B3GALT1: variants seen among roughly 807,000 people sequenced by gnomAD.
B3GALT1 encodes the protein UDP-Gal:betaGlcNAc beta 1,3-galactosyltransferase, polypeptide 1.
A neutral mutation model predicts 23.2 loss-of-function variants in B3GALT1; 10 were observed. The observed-to-expected ratio is 0.43, with a 90% CI of 0.27 to 0.73. B3GALT1 has a LOEUF of 0.73. B3GALT1 is among the 30% of genes least tolerant of loss of function. B3GALT1 has a pLI of 0.21. For synonymous variants in B3GALT1, 156 were observed against 141.5 expected, an observed-to-expected ratio of 1.10 and a Z score of -0.73; for missense variants, 299 against 405.4, an observed-to-expected ratio of 0.74 and a Z score of 2.25.
rs1685419643 is a variant in B3GALT1, at chr2:167,630,419, A to G, written c.-409-16490A>G. Among the ~76,000 whole-genome samples, 2 of 151,844 alleles carry G rather than the reference A, an allele frequency of 1.3e-5. 1 individual carries two copies. Among genetic ancestry groups the G allele is most frequent in the South Asian group, 4.1e-4 (2 of 4,826 alleles). On this transcript the variant is annotated intron_variant, in intron 2 of 4. Coordinates refer to ENST00000392690, the MANE Select transcript of B3GALT1 (RefSeq NM_020981.4). ...TCATCATTAATTAAATACAAGTTCT[A>G]CAGAAATCAATTGATGACAATTGTG...
intron 3 of B3GALT1, among the ~76,000 whole-genome samples, chr2:167,728,695 T>C (rs2105263310): frequency 6.6e-6 from 1 of 152,356 alleles, no homozygotes; most frequent in East Asian, 1.9e-4. Flanking sequence ...CTTAAGATTA[T>C]GTGGTATTTC....
intron 3 of B3GALT1, among the ~76,000 whole-genome samples, chr2:167,800,422 C>G (rs915218493): frequency 6.6e-6 from 1 of 152,182 alleles, no homozygotes; most frequent in Non-Finnish European, 1.5e-5. Flanking sequence ...CTACCCTCCC[C>G]ACACCCATTA....
At chr2:167,786,853 C>T (rs1193357548) in intron 3 of B3GALT1, among the ~76,000 whole-genome samples, 1 of 152,156 alleles carries the variant, frequency 6.6e-6, no homozygotes, top group Non-Finnish European at 1.5e-5. Flanking sequence ...ACACTCCATG[C>T]GTGAGTCCAT....
intron 1 of B3GALT1, among the ~76,000 whole-genome samples, chr2:167,451,502 A>G (rs1462235297): frequency 2.0e-5 from 3 of 152,108 alleles, no homozygotes; most frequent in Non-Finnish European, 4.4e-5. Flanking sequence ...GCCAGGCTCC[A>G]GGCTGGTACT....
At chr2:167,356,856 G>A (rs143643199) in intron 1 of B3GALT1, among the ~76,000 whole-genome samples, 41 of 151,932 alleles carry the variant, frequency 2.7e-4, no homozygotes, top group African/African-American at 9.4e-4. Flanking sequence ...TGAGTCAAGC[G>A]TCATTAGTGT....
chr2:167,641,899 T>G (rs1685658560), intron 2 of B3GALT1, among the ~76,000 whole-genome samples: 1 of 152,220 alleles, frequency 6.6e-6, no homozygotes, highest in East Asian at 1.9e-4. Flanking sequence ...TCCTAAGTTT[T>G]AGGCTTGCAT....
chr2:167,751,308 C>G (rs1465136524), intron 3 of B3GALT1, among the ~76,000 whole-genome samples: 1 of 151,984 alleles, frequency 6.6e-6, no homozygotes, highest in African/African-American at 2.4e-5. Flanking sequence ...ACCAGCAAAC[C>G]CTTGCTCCAA....
chr2:167,829,927 G>C (rs1689310155), intron 4 of B3GALT1, among the ~76,000 whole-genome samples: 1 of 152,182 alleles, frequency 6.6e-6, no homozygotes. Flanking sequence ...AAAATGGAAA[G>C]GCCAGGAGAA....
intron 2 of B3GALT1, among the ~76,000 whole-genome samples, chr2:167,594,741 C>G (rs1259527993): frequency 1.3e-5 from 2 of 151,984 alleles, no homozygotes; most frequent in Admixed American, 6.6e-5. Context: ...GGTGAAACCC[C>G]GTCTCTATTA....
chr2:167,504,734 G>A (rs138088854), intron 2 of B3GALT1, among the ~76,000 whole-genome samples: 27 of 152,260 alleles, frequency 1.8e-4, no homozygotes, highest in African/African-American at 6.5e-4. Context: ...GTTTAGAAAT[G>A]TTTGAATACA....
chr2:167,813,165 GAATAT>G (rs1251941236), intron 3 of B3GALT1, among the ~76,000 whole-genome samples: 2 of 152,164 alleles, frequency 1.3e-5, no homozygotes, highest in Non-Finnish European at 2.9e-5. Context: ...ATGAAGCAAT[GAATAT>G]AACAGGAGAG....
At chr2:167,636,299 C>G (rs1685555019) in intron 2 of B3GALT1, among the ~76,000 whole-genome samples, 1 of 151,782 alleles carries the variant, frequency 6.6e-6, no homozygotes. Flanking sequence ...TTTACCCCCA[C>G]CTAGAAATTC....
chr2:167,447,571 C>T (rs1411483222), intron 1 of B3GALT1, among the ~76,000 whole-genome samples: 1 of 152,172 alleles, frequency 6.6e-6, no homozygotes, highest in Non-Finnish European at 1.5e-5. Flanking sequence ...GCAGGCACCC[C>T]TCCCCCAGCC....
In B3GALT1 at chr2:167,601,372, C is replaced by T. The variant is rs550573074; in HGVS notation, c.-409-45537C>T. Among the ~76,000 whole-genome samples, 10 of 152,308 alleles carry T rather than the reference C, an allele frequency of 6.6e-5. 1 individual carries two copies. Among genetic ancestry groups the T allele is most frequent in the Admixed American group, 5.9e-4 (9 of 15,300 alleles). On this transcript the variant is annotated intron_variant, in intron 2 of 4. Transcript: ENST00000392690. Reference sequence around the variant, plus strand: ...TAGATCCTCCTTTAGAGTTGGTTCTCAGGTCATAGGCAAGATTACATTCCC... The same window carrying T: ...TAGATCCTCCTTTAGAGTTGGTTCTTAGGTCATAGGCAAGATTACATTCCC...
chr2:167,588,119 A>C (rs1479220381), intron 2 of B3GALT1, among the ~76,000 whole-genome samples: 1 of 152,198 alleles, frequency 6.6e-6, no homozygotes, highest in Non-Finnish European at 1.5e-5. Flanking sequence ...GCCGTGTATG[A>C]AATGTGTTCA....
chr2:167,819,986 G>A (rs996884748), intron 4 of B3GALT1, among the ~76,000 whole-genome samples: 1 of 152,204 alleles, frequency 6.6e-6, no homozygotes, highest in Non-Finnish European at 1.5e-5. Context: ...CTGATGAGGA[G>A]CAGTGGAGCA....
intron 3 of B3GALT1, among the ~76,000 whole-genome samples, chr2:167,676,105 C>T (rs1189070309): frequency 6.6e-6 from 1 of 151,936 alleles, no homozygotes; most frequent in African/African-American, 2.4e-5. Flanking sequence ...CAGGATGGAG[C>T]GAATCTCATG....
At position 167,826,503 on chromosome 2, in the gene B3GALT1, G is replaced by A. The variant is rs1036709209; in HGVS notation, c.-230+7710G>A. ...TCCCTATGCCCCTGAGGAGGTCTCT[G>A]AGGCTTAAACCCTTGAAGAAACTCA... On this transcript the variant is annotated intron_variant, in intron 4 of 4. Transcript: ENST00000392690. Among the ~76,000 whole-genome samples the A allele has an allele frequency of 3.9e-5, 6 of 152,198 alleles. No individual in the cohort carries two copies. In the South Asian group the frequency reaches 1.2e-3, roughly 32 times the overall value.
chr2:167,399,631 C>A (rs1698155435), intron 1 of B3GALT1, among the ~76,000 whole-genome samples: 1 of 151,562 alleles, frequency 6.6e-6, no homozygotes, highest in Non-Finnish European at 1.5e-5. Context: ...TTTACCTATT[C>A]TTCACATTTT....
Sources: allele counts gnomAD v4.1 joint callset (sites outside exome capture counted in the v4.1 genomes callset), GRCh38; gene constraint gnomAD v4.1.1; transcripts MANE v1.5; gene names NCBI Gene and HGNC (gene_info 2026-07-23, HGNC 2026-07-21).